Variants in MACROD2 observed in about 807,000 individuals in gnomAD.
MACROD2 encodes the protein ADP-ribose glycohydrolase MACROD2.
In MACROD2, 36 loss-of-function variants were observed where a neutral mutation model predicts 70.4. The observed-to-expected ratio is 0.51, with a 90% CI of 0.39 to 0.68. The LOEUF (loss-of-function observed/expected upper bound fraction) is 0.68. MACROD2 is among the 30% of genes least tolerant of loss of function. MACROD2 has a pLI of 0.00. For missense variants in MACROD2, 496 were observed against 538.4 expected (o/e 0.92, Z 0.78); for synonymous variants, 172 against 178.8 (o/e 0.96, Z 0.30).
At chr20:15,969,430 G>A (rs544831961) in intron 13 of MACROD2, among the ~76,000 whole-genome samples, 120 of 152,228 alleles carry the variant, frequency 7.9e-4, no homozygotes, top group South Asian at 1.2e-3. Context: ...AGATAAATAT[G>A]TTGAGTATGT....
chr20:15,347,135 C>T (rs574276181), intron 6 of MACROD2, among the ~76,000 whole-genome samples: 2 of 152,282 alleles, frequency 1.3e-5, no homozygotes, highest in South Asian at 2.1e-4. Flanking sequence ...TTGGAACTTG[C>T]AGCTCTCTAC....
intron 2 of MACROD2, 25 bp from the exon 3 acceptor site, chr20:14,085,596 G>T: frequency 8.0e-7 from 1 of 1,242,870 alleles, no homozygotes; most frequent in Non-Finnish European, 1.1e-6. Flanking sequence ...TATTATTATT[G>T]ATATATATCC....
chr20:14,847,054 CT>C (rs2073149572), intron 5 of MACROD2, among the ~76,000 whole-genome samples: 1 of 151,266 alleles, frequency 6.6e-6, no homozygotes, highest in South Asian at 2.1e-4. Flanking sequence ...ATGAATATCA[CT>C]GAAAGAAACA....
At chr20:15,886,505 C>T (rs2064824287) in intron 10 of MACROD2, among the ~76,000 whole-genome samples, 1 of 152,114 alleles carries the variant, frequency 6.6e-6, no homozygotes, top group African/African-American at 2.4e-5. Flanking sequence ...GGGAGTGGTT[C>T]TATAGAGCGT....
chr20:15,181,548 G>A (rs2076500788), intron 5 of MACROD2, among the ~76,000 whole-genome samples: 1 of 152,152 alleles, frequency 6.6e-6, no homozygotes, highest in South Asian at 2.1e-4. Context: ...TTTAGAAAGT[G>A]TGTGTGTGTT....
intron 8 of MACROD2, among the ~76,000 whole-genome samples, chr20:15,654,056 C>G (rs553838793): frequency 1.3e-3 from 194 of 152,274 alleles, no homozygotes; most frequent in African/African-American, 4.4e-3. Context: ...TTACCTTGCG[C>G]TTTTCATGGT....
intron 3 of MACROD2, among the ~76,000 whole-genome samples, chr20:14,410,228 T>G (rs939973996): frequency 1.5e-3 from 222 of 151,912 alleles, no homozygotes; most frequent in African/African-American, 5.1e-3. Context: ...TTTTTTTTTT[T>G]TTTTTTTGAC....
chr20:15,421,421 A>G (rs988783572), intron 6 of MACROD2, among the ~76,000 whole-genome samples: 1 of 152,122 alleles, frequency 6.6e-6, no homozygotes, highest in African/African-American at 2.4e-5. Context: ...GCCAGGTTGC[A>G]TGTTACAGCA....
chr20:14,140,947 G>A (rs553712597), intron 3 of MACROD2, among the ~76,000 whole-genome samples: 1 of 152,304 alleles, frequency 6.6e-6, no homozygotes, highest in East Asian at 1.9e-4. Context: ...TTACTGTGAT[G>A]AAGTTGATCA....
intron 4 of MACROD2, among the ~76,000 whole-genome samples, chr20:14,659,402 C>T (rs1162040637): frequency 1.3e-5 from 2 of 152,120 alleles, no homozygotes; most frequent in Non-Finnish European, 2.9e-5. Flanking sequence ...AATGTCAGTT[C>T]TCCTCACCTG....
intron 3 of MACROD2, among the ~76,000 whole-genome samples, chr20:14,418,315 A>AT (rs1205260698): frequency 6.6e-6 from 1 of 152,220 alleles, no homozygotes; most frequent in Non-Finnish European, 1.5e-5. Flanking sequence ...TGAAACTAAG[A>AT]TTTTTAACAT....
intron 5 of MACROD2, among the ~76,000 whole-genome samples, chr20:14,718,475 A>G (rs2071424171): frequency 6.6e-6 from 1 of 151,942 alleles, no homozygotes; most frequent in Non-Finnish European, 1.5e-5. Flanking sequence ...CTCTCCCTCC[A>G]CTGATACAGA....
chr20:14,339,787 A>G (rs1239369094), intron 3 of MACROD2, among the ~76,000 whole-genome samples: 1 of 152,214 alleles, frequency 6.6e-6, no homozygotes, highest in South Asian at 2.1e-4. Context: ...CTTTTAAGCT[A>G]TGGATTAAAA....
chr20:15,709,776 A>G (rs2050596966), intron 8 of MACROD2, among the ~76,000 whole-genome samples: 1 of 152,248 alleles, frequency 6.6e-6, no homozygotes, highest in Non-Finnish European at 1.5e-5. Flanking sequence ...TATCACCTCA[A>G]ATATTTGTTT....
chr20:15,931,715 G>T (rs6105495), intron 10 of MACROD2, among the ~76,000 whole-genome samples: 5 of 151,852 alleles, frequency 3.3e-5, no homozygotes, highest in Admixed American at 2.6e-4. Context: ...AACACAGGGG[G>T]TCCTGTACGT....
At chr20:15,284,308 T>C (rs914624992) in intron 6 of MACROD2, among the ~76,000 whole-genome samples, 3 of 152,216 alleles carry the variant, frequency 2.0e-5, no homozygotes, top group Non-Finnish European at 4.4e-5. Flanking sequence ...AGGGATTAAA[T>C]ATCTCGTCTG....
chr20:15,371,395 A>G (rs529458880), intron 6 of MACROD2, among the ~76,000 whole-genome samples: 10 of 152,154 alleles, frequency 6.6e-5, no homozygotes, highest in Non-Finnish European at 1.5e-4. Flanking sequence ...CTTTATCCAG[A>G]ATAAGTTAAC....
At chr20:15,078,975 G>C (rs569984752) in intron 5 of MACROD2, among the ~76,000 whole-genome samples, 57 of 152,142 alleles carry the variant, frequency 3.7e-4, no homozygotes, top group Admixed American at 2.2e-3. Context: ...AGTGAGGCCT[G>C]GCTGTCTCCA....
chr20:14,759,407 A>T (rs566540605), intron 5 of MACROD2, among the ~76,000 whole-genome samples: 1 of 152,128 alleles, frequency 6.6e-6, no homozygotes, highest in Non-Finnish European at 1.5e-5. Flanking sequence ...ATTCCATGCC[A>T]TCATTTGCAT....
Sources: gnomAD v4.1 joint callset for allele counts (sites outside exome capture counted in the v4.1 genomes callset) on GRCh38, gnomAD v4.1.1 for gene constraint, MANE v1.5 for transcripts, NCBI Gene and HGNC (gene_info 2026-07-23, HGNC 2026-07-21) for gene names.